JAK1: variants seen among roughly 807,000 people sequenced by gnomAD.
JAK1 encodes Janus kinase 1.
In JAK1, 16 loss-of-function variants were observed where a neutral mutation model predicts 136.6. That is an observed-to-expected ratio of 0.12 (90% CI 0.08 to 0.18). The LOEUF (loss-of-function observed/expected upper bound fraction) is 0.18, where lower values mean the gene tolerates loss of function less well. Ranked by LOEUF, JAK1 falls within the 10% of genes least tolerant of loss-of-function variation. JAK1 has a pLI of 1.00. For missense variants in JAK1, 859 were observed against 1,450.1 expected (o/e 0.59, Z 6.62); for synonymous variants, 492 against 519.5 (o/e 0.95, Z 0.72).
At chr1:64,941,608 G>A (rs1645890858) in intron 1 of JAK1, among the ~76,000 whole-genome samples, 2 of 152,184 alleles carry the variant, frequency 1.3e-5, no homozygotes, top group Admixed American at 1.3e-4. Context: ...AACTGGGGAT[G>A]GAAAGGGAAC....
chr1:64,961,339 G>C (rs1646279362), intron 1 of JAK1, among the ~76,000 whole-genome samples: 1 of 152,172 alleles, frequency 6.6e-6, no homozygotes. Context: ...CTGGGATGGG[G>C]AGGAGAGAGT....
intron 1 of JAK1, among the ~76,000 whole-genome samples, chr1:64,927,648 T>C (rs1645604438): frequency 6.6e-6 from 1 of 152,206 alleles, no homozygotes; most frequent in Non-Finnish European, 1.5e-5. Context: ...GGTAACAGGT[T>C]GCTGATGGTT....
intron 1 of JAK1, among the ~76,000 whole-genome samples, chr1:64,948,188 T>G (rs1034423016): frequency 6.6e-6 from 1 of 152,220 alleles, no homozygotes; most frequent in Non-Finnish European, 1.5e-5. Flanking sequence ...AGGCTTAAAT[T>G]TATTAAATCC....
At chr1:64,841,679 C>T in intron 17 of JAK1, 78 bp from the exon 18 acceptor site, 6 of 1,429,446 alleles carry the variant, frequency 4.2e-6, no homozygotes, top group Non-Finnish European at 5.9e-6. Flanking sequence ...GGTGGAATTG[C>T]CAATTCCTCA....
chr1:64,917,261 C>T (rs189213810), intron 1 of JAK1, among the ~76,000 whole-genome samples: 6 of 152,268 alleles, frequency 3.9e-5, no homozygotes, highest in African/African-American at 1.2e-4. Context: ...TGAAGGGAAA[C>T]AACTTCCAAC....
At chr1:64,839,153 A>G (rs1023938892) in intron 20 of JAK1, among the ~76,000 whole-genome samples, 17 of 151,628 alleles carry the variant, frequency 1.1e-4, no homozygotes, top group Admixed American at 6.6e-4. Context: ...CTCAAAAAAA[A>G]AAAAAAAAAA....
At chr1:64,957,533 G>A (rs577768509) in intron 1 of JAK1, among the ~76,000 whole-genome samples, 3 of 152,344 alleles carry the variant, frequency 2.0e-5, no homozygotes, top group South Asian at 2.1e-4. Flanking sequence ...ACTGCAGGCC[G>A]GGTGCAGTGG....
At chr1:65,016,341 GC>G (rs1408928547) in intron 2 of JAK1, among the ~76,000 whole-genome samples, 1 of 152,198 alleles carries the variant, frequency 6.6e-6, no homozygotes, top group Non-Finnish European at 1.5e-5. Context: ...GTTTAAATGG[GC>G]CGAGCATGGT....
chr1:64,894,257 G>A (rs1193002248), intron 1 of JAK1, among the ~76,000 whole-genome samples: 1 of 152,134 alleles, frequency 6.6e-6, no homozygotes, highest in Non-Finnish European at 1.5e-5. Context: ...TCAAAGTCCT[G>A]ACGAGGAGGA....
chr1:64,871,459 G>A (rs1243366939), intron 5 of JAK1, among the ~76,000 whole-genome samples: 4 of 152,126 alleles, frequency 2.6e-5, no homozygotes, highest in African/African-American at 7.2e-5. Context: ...AATAAATGAC[G>A]GCTTTTCCTC....
At chr1:64,852,118 A>G (rs1655638450) in intron 11 of JAK1, among the ~76,000 whole-genome samples, 1 of 152,224 alleles carries the variant, frequency 6.6e-6, no homozygotes, top group Admixed American at 6.5e-5. Context: ...TTAAGCTCAC[A>G]TATTCCGACT....
At chr1:64,961,875 T>C (rs1482717855) in intron 1 of JAK1, among the ~76,000 whole-genome samples, 3 of 152,240 alleles carry the variant, frequency 2.0e-5, no homozygotes, top group Admixed American at 6.5e-5. Context: ...CAGCCATGTA[T>C]ACCAAGTTTA....
intron 1 of JAK1, among the ~76,000 whole-genome samples, chr1:65,059,857 T>C (rs914863596): frequency 6.6e-6 from 1 of 152,208 alleles, no homozygotes; most frequent in Non-Finnish European, 1.5e-5. Context: ...ATATTAGCAC[T>C]GTACTTCAAA....
intron 1 of JAK1, among the ~76,000 whole-genome samples, chr1:64,907,552 G>A (rs946472625): frequency 1.3e-5 from 2 of 152,166 alleles, no homozygotes; most frequent in African/African-American, 4.8e-5. Flanking sequence ...TGAAGGGTGG[G>A]AGGAGGGAGA....
rs186593436 is a variant in JAK1 at position 65,022,976 on chromosome 1, A to C, written c.-78+21504T>G. On this transcript the variant is annotated intron_variant, in intron 2 of 25. Transcript: ENST00000671954. ...AAAAGTGAGGAAGCAGTAAACATTT[A>C]AAACATAGAATTTTTTTTCCTGTCA... 438 of 152,268 alleles carry C rather than the reference A, an allele frequency of 2.9e-3. 2 individuals carry two copies. Among genetic ancestry groups the C allele is most frequent in the African/African-American group, 0.01 (424 of 41,526 alleles). The allele number at this position is 152,268 out of a possible 1,614,324, so 9.4% of individuals were successfully genotyped here.
At chr1:65,001,168 C>G (rs879374459) in intron 2 of JAK1, among the ~76,000 whole-genome samples, 1 of 152,202 alleles carries the variant, frequency 6.6e-6, no homozygotes, top group Non-Finnish European at 1.5e-5. Context: ...TCCAAGATCT[C>G]ATCATGTTAG....
rs1553170043 is a variant in JAK1 at position 64,928,798 on chromosome 1, A to AAC, written c.-78+37534_-78+37535insGT. On this transcript the variant is annotated intron_variant, in intron 1 of 24. Coordinates refer to ENST00000342505, the MANE Select transcript of JAK1 (RefSeq NM_002227.4). The stretch of plus-strand genomic sequence containing the variant: ...CTCTGCAAAAAAAAAAAAAAAAAAC[A>AAC]AAAAAAAAAAACTCTGCAAAAAAAG... Among the ~76,000 whole-genome samples the AAC allele has an allele frequency of 7.4e-4, 67 of 90,002 alleles. 1 individual carries two copies. Among genetic ancestry groups the AAC allele is most frequent in the African/African-American group, 3.9e-3 (67 of 17,182 alleles). 59.0% of individuals were successfully genotyped at this position (90,002 alleles called of 152,430 possible). A position where few individuals can be genotyped will look rare whatever the true frequency, so the allele number is the denominator to read the frequency against.
In JAK1 at chr1:64,998,756, T is replaced by A. The variant is rs113106050; in HGVS notation, c.-78+45724A>T. Reference sequence around the variant, plus strand: ...AAAATGGGAGTTTCCCTGCACAAGCTCTCTCTTTGCCTGCTGCCGTCCATG... The same window carrying A: ...AAAATGGGAGTTTCCCTGCACAAGCACTCTCTTTGCCTGCTGCCGTCCATG... On this transcript the variant is annotated intron_variant, in intron 2 of 25. Coordinates refer to the JAK1 transcript ENST00000671954. 2.6e-5 allele frequency among the ~76,000 whole-genome samples: 4 copies of A among 152,252 alleles called. No homozygotes were observed. In the South Asian group the frequency reaches 8.3e-4, roughly 32 times the overall value.
intron 2 of JAK1, among the ~76,000 whole-genome samples, chr1:65,035,500 C>T (rs1359469214): frequency 2.6e-5 from 4 of 152,176 alleles, no homozygotes; most frequent in East Asian, 1.9e-4. Context: ...AACTGGGAAA[C>T]GTTGAGCAAA....
Sources: gnomAD v4.1 joint callset for allele counts (sites outside exome capture counted in the v4.1 genomes callset) on GRCh38, gnomAD v4.1.1 for gene constraint, MANE v1.5 for transcripts, NCBI Gene and HGNC (gene_info 2026-07-23, HGNC 2026-07-21) for gene names.